CADM1: variants seen among roughly 807,000 people sequenced by gnomAD.
CADM1 encodes cell adhesion molecule 1.
Under a neutral mutation model 53.1 loss-of-function variants are expected in CADM1, and 15 were observed. That is an observed-to-expected ratio of 0.28 (90% CI 0.19 to 0.44). The LOEUF is 0.44. Among genes scored for constraint, CADM1 ranks in the 20% least tolerant of loss-of-function variants. CADM1 has a pLI of 1.00. For synonymous variants in CADM1, 281 were observed against 243.0 expected, an observed-to-expected ratio of 1.16 and a Z score of -1.45; for missense variants, 434 against 611.3, an observed-to-expected ratio of 0.71 and a Z score of 3.06.
chr11:115,232,346 T>C (rs1941849925), intron 3 of CADM1, among the ~76,000 whole-genome samples: 1 of 152,208 alleles, frequency 6.6e-6, no homozygotes, highest in Non-Finnish European at 1.5e-5. Context: ...TTCACAGAGA[T>C]CCAGAATGTA....
intron 1 of CADM1, among the ~76,000 whole-genome samples, chr11:115,398,296 A>T (rs1947054189): frequency 6.6e-6 from 1 of 152,190 alleles, no homozygotes. Context: ...GAGATATTTT[A>T]ATCTCTGAAT....
At chr11:115,323,511 C>T (rs1005527725) in intron 1 of CADM1, among the ~76,000 whole-genome samples, 3 of 152,096 alleles carry the variant, frequency 2.0e-5, no homozygotes, top group African/African-American at 7.2e-5. Context: ...TAGCCAACAG[C>T]CCATTTCCCA....
rs142505962 is a variant in CADM1 at position 115,232,512 on chromosome 11, T to C, written c.425-1022A>G. On this transcript the variant is annotated intron_variant, in intron 3 of 11. Coordinates refer to ENST00000331581, the MANE Select transcript of CADM1 (RefSeq NM_001301043.2). Reference sequence around the variant, plus strand: ...AAGACGAAAGAGACTCTTAAGTGCTTATAAGTAGATTTACATATCAGAATT... The same window carrying C: ...AAGACGAAAGAGACTCTTAAGTGCTCATAAGTAGATTTACATATCAGAATT... Among the ~76,000 whole-genome samples, 334 of 152,354 alleles carry C rather than the reference T, an allele frequency of 2.2e-3. 2 individuals are homozygous for C. The highest frequency in any genetic ancestry group is 7.7e-3 in the African/African-American group (322 of 41,588).
At chr11:115,310,580 CG>C (rs1944506536) in intron 1 of CADM1, among the ~76,000 whole-genome samples, 1 of 152,072 alleles carries the variant, frequency 6.6e-6, no homozygotes, top group African/African-American at 2.4e-5. Context: ...GATTTGCTGT[CG>C]GTGAAACCCC....
At chr11:115,188,402 A>C (rs1469062793) in intron 10 of CADM1, among the ~76,000 whole-genome samples, 1 of 152,234 alleles carries the variant, frequency 6.6e-6, no homozygotes, top group Non-Finnish European at 1.5e-5. Flanking sequence ...TAATTTCTTT[A>C]TGCAGATTAA....
chr11:115,467,260 T>G (rs1474511933), intron 1 of CADM1, among the ~76,000 whole-genome samples: 1 of 152,342 alleles, frequency 6.6e-6, no homozygotes, highest in South Asian at 2.1e-4. Context: ...TGATGACTAC[T>G]TCTACCTTCT....
intron 1 of CADM1, among the ~76,000 whole-genome samples, chr11:115,441,612 G>C (rs1176339574): frequency 6.6e-6 from 1 of 152,152 alleles, no homozygotes. Context: ...AAACTTTATA[G>C]AAAATGAGCA....
intron 1 of CADM1, among the ~76,000 whole-genome samples, chr11:115,487,743 C>T (rs953178655): frequency 6.6e-6 from 1 of 152,088 alleles, no homozygotes; most frequent in Admixed American, 6.5e-5. Context: ...GCAATCCTGC[C>T]GACAGGCCTA....
intron 1 of CADM1, among the ~76,000 whole-genome samples, chr11:115,297,280 G>A (rs780648324): frequency 5.3e-5 from 8 of 152,302 alleles, no homozygotes; most frequent in South Asian, 2.1e-4. Flanking sequence ...CTGACAGACC[G>A]TCTAGGATCA....
chr11:115,258,224 CT>C (rs1277401568), intron 1 of CADM1, among the ~76,000 whole-genome samples: 1 of 152,106 alleles, frequency 6.6e-6, no homozygotes, highest in Non-Finnish European at 1.5e-5. Flanking sequence ...ATCCATGTCC[CT>C]TTTTTTCTGC....
chr11:115,452,504 T>C (rs980881458), intron 1 of CADM1, among the ~76,000 whole-genome samples: 1 of 152,208 alleles, frequency 6.6e-6, no homozygotes, highest in African/African-American at 2.4e-5. Context: ...ATCAACAGTA[T>C]GTTTGATTTG....
chr11:115,425,373 A>C (rs1322144556), intron 1 of CADM1, among the ~76,000 whole-genome samples: 1 of 152,226 alleles, frequency 6.6e-6, no homozygotes, highest in Non-Finnish European at 1.5e-5. Flanking sequence ...TTCTTTCCAC[A>C]TTAGCTGTGA....
At chr11:115,297,949 G>T (rs1944122571) in intron 1 of CADM1, among the ~76,000 whole-genome samples, 1 of 152,172 alleles carries the variant, frequency 6.6e-6, no homozygotes, top group Non-Finnish European at 1.5e-5. Flanking sequence ...TGCACTGCAT[G>T]GTCCCTTAGA....
At chr11:115,394,573 G>A (rs946690776) in intron 1 of CADM1, among the ~76,000 whole-genome samples, 15 of 152,124 alleles carry the variant, frequency 9.9e-5, no homozygotes, top group Non-Finnish European at 1.6e-4. Flanking sequence ...CTTCTCTAGC[G>A]TTACATATTG....
chr11:115,328,702 G>GTATATACATATATACGCGTA, intron 1 of CADM1, among the ~76,000 whole-genome samples: 1 of 10,134 alleles, frequency 9.9e-5, no homozygotes, highest in East Asian at 0.031. Context: ...GTATATATAT[G>GTATATACATATATACGCGTA]TATATATATA....
At chr11:115,199,868 A>G (rs1762496718) in intron 8 of CADM1, among the ~76,000 whole-genome samples, 1 of 152,340 alleles carries the variant, frequency 6.6e-6, no homozygotes, top group East Asian at 1.9e-4. Context: ...AATTGCTTTC[A>G]TGAGCTGTGG....
At chr11:115,358,889 C>T (rs1332043785) in intron 1 of CADM1, among the ~76,000 whole-genome samples, 28 of 152,116 alleles carry the variant, frequency 1.8e-4, no homozygotes, top group Non-Finnish European at 1.5e-5. Flanking sequence ...TACTATTTCC[C>T]TTATCATTCA....
In CADM1 at chr11:115,497,825, C is replaced by T. The variant is rs183595983; in HGVS notation, c.124+6446G>A. On this transcript the variant is annotated intron_variant, in intron 1 of 11. Coordinates refer to ENST00000331581, the MANE Select transcript of CADM1 (RefSeq NM_001301043.2). ...CCTGGTCAACTCAGAGGGGGCGGTG[C>T]AGGGGGCAGGTTTTCACCTGTCCAG... is the stretch of plus-strand genomic sequence containing the variant. 3.0e-3 allele frequency among the ~76,000 whole-genome samples: 464 copies of T among 152,196 alleles called. 2 individuals are homozygous for T. Among genetic ancestry groups the T allele is most frequent in the South Asian group, 0.017 (84 of 4,824 alleles).
intron 7 of CADM1, among the ~76,000 whole-genome samples, chr11:115,212,363 A>G (rs1458639341): frequency 6.6e-6 from 1 of 152,226 alleles, no homozygotes; most frequent in Non-Finnish European, 1.5e-5. Context: ...CCAAACTGCT[A>G]GAGTATTTTG....
Sources: allele counts gnomAD v4.1 joint callset (sites outside exome capture counted in the v4.1 genomes callset), GRCh38; gene constraint gnomAD v4.1.1; transcripts MANE v1.5; gene names NCBI Gene and HGNC (gene_info 2026-07-23, HGNC 2026-07-21).